The following UGT1A7 variants were observed in gnomAD, a reference collection of about 807,000 sequenced individuals.
UGT1A7 encodes UDP-glucuronosyltransferase 1A7.
A neutral mutation model predicts 45.6 loss-of-function variants in UGT1A7; 33 were observed. The observed-to-expected ratio is 0.72, with a 90% CI of 0.55 to 0.97. The LOEUF (loss-of-function observed/expected upper bound fraction) is 0.97. UGT1A7 is among the 50% of genes least tolerant of loss of function. The pLI, the probability that UGT1A7 is intolerant of heterozygous loss-of-function variation, is 0.00. For missense variants in UGT1A7, 684 were observed against 666.2 expected (o/e 1.03, Z -0.29); for synonymous variants, 274 against 250.6 (o/e 1.09, Z -0.88).
chr2:233,693,574 C>T (rs745481050), intron 1 of UGT1A7: 30 of 1,614,190 alleles, frequency 1.9e-5, no homozygotes, highest in East Asian at 1.6e-4. Context: ...ACCCTGTGTC[C>T]TACATTCCCA....
At chr2:233,736,641 C>G (rs1209687241) in intron 1 of UGT1A7, among the ~76,000 whole-genome samples, 1 of 152,216 alleles carries the variant, frequency 6.6e-6, no homozygotes, top group Non-Finnish European at 1.5e-5. Context: ...AGTTTCCCCC[C>G]ATCTTTGTGG....
At chr2:233,691,248 T>C in intron 1 of UGT1A7, 1 of 985,534 alleles carries the variant, frequency 1.0e-6, no homozygotes. Context: ...CTAGATGAAC[T>C]CAAAGCAAGA....
rs146693320 is a variant in UGT1A7 at position 233,769,441 on chromosome 2, G to A, written c.1295+1002G>A. On this transcript the variant is annotated intron_variant, in intron 4 of 4. Transcript: ENST00000373426. The surrounding 1 kb of genome is among the most constrained non-coding windows in gnomAD (Gnocchi z 4.4). The stretch of plus-strand genomic sequence containing the variant: ...TGCATGTGGCTGTGCTCATGTGTGG[G>A]TGCACACGTGTGCATTCATATGCGT... 108 of 1,546,728 alleles carry A rather than the reference G, an allele frequency of 7.0e-5. No individual in the cohort carries two copies. Among genetic ancestry groups the A allele is most frequent in the Non-Finnish European group, 9.1e-5 (102 of 1,123,582 alleles).
chr2:233,732,874 G>C lies in UGT1A7; in HGVS notation c.856-34160G>C, dbSNP rs1220552637. On this transcript the variant is annotated intron_variant, in intron 1 of 4. Transcript: ENST00000373426. Reference sequence around the variant, plus strand: ...AGTCATTGGTAGCTTGATGGGTTTGGCATTGAATCTATAAATTACCTTGGG... The same window carrying C: ...AGTCATTGGTAGCTTGATGGGTTTGCCATTGAATCTATAAATTACCTTGGG... 6.6e-5 allele frequency among the ~76,000 whole-genome samples: 10 copies of C among 151,784 alleles called. No individual in the cohort carries two copies. The East Asian group carries it at 1.9e-3, about 29-fold the overall frequency.
chr2:233,734,656 T>C (rs2078546605), intron 1 of UGT1A7, among the ~76,000 whole-genome samples: 1 of 152,258 alleles, frequency 6.6e-6, no homozygotes, highest in African/African-American at 2.4e-5. Flanking sequence ...GATTTAATGC[T>C]ATAAATTTCC....
intron 2 of UGT1A7, 57 bp from the exon 3 acceptor site, chr2:233,767,792 T>G (rs1011366406): frequency 1.2e-6 from 2 of 1,613,950 alleles, no homozygotes; most frequent in African/African-American, 1.3e-5. Context: ...ATAGCAGATT[T>G]GTTTTCTAAT....
At chr2:233,746,445 G>GA (rs776336389) in intron 1 of UGT1A7, among the ~76,000 whole-genome samples, 23 of 151,700 alleles carry the variant, frequency 1.5e-4, no homozygotes, top group Non-Finnish European at 2.9e-4. Flanking sequence ...AGCTTAAAAA[G>GA]AAAGTACCTT....
chr2:233,770,479 C>T (rs545055885), intron 4 of UGT1A7: 1 of 152,002 alleles, frequency 6.6e-6, no homozygotes, highest in Admixed American at 6.5e-5. Flanking sequence ...CATGAAGAAA[C>T]CTTATCTCTA....
chr2:233,729,694 C>G, intron 1 of UGT1A7: 3 of 1,613,908 alleles, frequency 1.9e-6, no homozygotes, highest in Non-Finnish European at 2.5e-6. Flanking sequence ...GTGTCCAAAC[C>G]CTTCCTCCTA....
At chr2:233,727,130 G>A (rs2077585965) in intron 1 of UGT1A7, among the ~76,000 whole-genome samples, 1 of 152,168 alleles carries the variant, frequency 6.6e-6, no homozygotes, top group Non-Finnish European at 1.5e-5. Context: ...TGGCAGAGGG[G>A]AACAAGACCA....
chr2:233,762,210 G>A (rs190920095), intron 1 of UGT1A7, among the ~76,000 whole-genome samples: 9 of 152,170 alleles, frequency 5.9e-5, no homozygotes, highest in Non-Finnish European at 7.4e-5. Context: ...TGTATTTGGC[G>A]CCCCATAAAT....
rs1042710 is a variant in UGT1A7 at position 233,772,562 on chromosome 2, A to G, written c.*3A>G. The G allele has an allele frequency of 6.2e-7, 1 of 1,613,458 alleles. No homozygotes were observed. The highest frequency in any genetic ancestry group is 8.5e-7 in the Non-Finnish European group (1 of 1,179,694). On this transcript the variant is annotated 3_prime_UTR_variant, in exon 5 of 5. Transcript: ENST00000373426. ...CCCACAAATCCAAGACCCATTGAGA[A>G]GTGGGTGGGAAATAAGGTAAAATTT...
intron 1 of UGT1A7, among the ~76,000 whole-genome samples, chr2:233,725,530 A>T (rs1438339071): frequency 6.6e-6 from 1 of 152,162 alleles, no homozygotes; most frequent in African/African-American, 2.4e-5. Context: ...TTGTTTAACC[A>T]GACATATCAC....
At chr2:233,755,174 G>C (rs868590389) in intron 1 of UGT1A7, 4 of 1,248,738 alleles carry the variant, frequency 3.2e-6, no homozygotes, top group African/African-American at 3.0e-5. Flanking sequence ...GGTTTTTGTC[G>C]GGGTGCCACT....
At chr2:233,728,384 G>T (rs533416663) in intron 1 of UGT1A7, among the ~76,000 whole-genome samples, 3 of 152,276 alleles carry the variant, frequency 2.0e-5, no homozygotes, top group Admixed American at 1.3e-4. Flanking sequence ...TCTTTGCTAG[G>T]GTTGTCTTGC....
chr2:233,719,731 A>G (rs906516699), intron 1 of UGT1A7: 3 of 1,613,372 alleles, frequency 1.9e-6, no homozygotes, highest in African/African-American at 2.7e-5. Flanking sequence ...CAGGCAAAAC[A>G]CTTTTTAAAA....
intron 1 of UGT1A7, chr2:233,743,495 A>G (rs1016583348): frequency 7.3e-7 from 1 of 1,367,212 alleles, no homozygotes; most frequent in Non-Finnish European, 9.8e-7. Flanking sequence ...AAGGCAGAGA[A>G]AAGGGGTGCA....
chr2:233,754,250 G>A (rs1695430755), intron 1 of UGT1A7: 1 of 169,840 alleles, frequency 5.9e-6, no homozygotes, highest in Non-Finnish European at 1.3e-5. Flanking sequence ...TTTCCCAACG[G>A]AAAAAGGTAA....
intron 1 of UGT1A7, chr2:233,719,244 A>C (rs375836466): frequency 1.5e-5 from 24 of 1,614,126 alleles, no homozygotes; most frequent in African/African-American, 6.7e-5. Context: ...CAGGCACCTG[A>C]ATGCTACTTC....
Sources: allele counts gnomAD v4.1 joint callset (sites outside exome capture counted in the v4.1 genomes callset), GRCh38; gene constraint gnomAD v4.1.1; non-coding constraint Gnocchi (gnomAD v3.1); transcripts MANE v1.5; gene names NCBI Gene and HGNC (gene_info 2026-07-23, HGNC 2026-07-21).